Variants in PHACTR1 observed in about 807,000 individuals in gnomAD.
PHACTR1 encodes phosphatase and actin regulator 1.
In PHACTR1, 16 loss-of-function variants were observed where a neutral mutation model predicts 69.2. The ratio of observed to expected loss-of-function variants is 0.23; its 90% CI spans 0.16 to 0.35. PHACTR1 has a LOEUF of 0.35. PHACTR1 is among the 10% of genes least tolerant of loss of function. The probability of loss-of-function intolerance (pLI) is 1.00; values close to 1 mark genes in which losing one functional copy is unlikely to be tolerated. For missense variants in PHACTR1, 510 were observed against 734.7 expected, an observed-to-expected ratio of 0.69 and a Z score of 3.54; for synonymous variants, 312 against 284.5, an observed-to-expected ratio of 1.10 and a Z score of -0.97.
chr6:13,268,858 C>T (rs1221612576), intron 10 of PHACTR1, among the ~76,000 whole-genome samples: 1 of 152,198 alleles, frequency 6.6e-6, no homozygotes, highest in Non-Finnish European at 1.5e-5. Flanking sequence ...AGTCGCTTTC[C>T]AGAGAAATGA....
chr6:12,822,103 C>A (rs1776290626), intron 4 of PHACTR1, among the ~76,000 whole-genome samples: 1 of 152,178 alleles, frequency 6.6e-6, no homozygotes, highest in African/African-American at 2.4e-5. Flanking sequence ...AGACTCTGGG[C>A]TGCTGGAGGA....
chr6:13,023,993 C>T (rs1801345813), intron 4 of PHACTR1, among the ~76,000 whole-genome samples: 1 of 151,856 alleles, frequency 6.6e-6, no homozygotes, highest in Non-Finnish European at 1.5e-5. Context: ...TGGAGAATCA[C>T]TTGAATCCCG....
intron 4 of PHACTR1, among the ~76,000 whole-genome samples, chr6:13,011,408 C>T (rs911666542): frequency 2.0e-5 from 3 of 152,200 alleles, no homozygotes; most frequent in Non-Finnish European, 2.9e-5. Context: ...GATGGATCCT[C>T]AAACAAGAGA....
rs1191444940 is a variant in PHACTR1 at position 13,171,771 on chromosome 6, C to CA, written c.497-10746dup. Among the ~76,000 whole-genome samples, 49 of 151,956 alleles carry CA rather than the reference C, an allele frequency of 3.2e-4. 1 individual carries two copies. The highest frequency in any genetic ancestry group is 3.1e-3 in the Admixed American group (48 of 15,262). Reference sequence around the variant, plus strand: ...ATAACTTCCCTCCCCCAGCTCTAGCCAATTTTTTTTTTTAGATGGAGTTTC... The same window carrying CA: ...ATAACTTCCCTCCCCCAGCTCTAGCCAAATTTTTTTTTTTAGATGGAGTTTC... On this transcript the variant is annotated intron_variant, in intron 6 of 14. Transcript: ENST00000332995.
chr6:13,181,624 G>A (rs1762186206), intron 6 of PHACTR1, among the ~76,000 whole-genome samples: 2 of 152,204 alleles, frequency 1.3e-5, no homozygotes, highest in Non-Finnish European at 1.5e-5. Flanking sequence ...CAACATCAAA[G>A]TCTGCACTAC....
At chr6:12,972,737 C>T (rs1340591804) in intron 4 of PHACTR1, among the ~76,000 whole-genome samples, 2 of 151,588 alleles carry the variant, frequency 1.3e-5, no homozygotes, top group East Asian at 3.9e-4. Context: ...CTGCAACCTC[C>T]ACCTCCTGGG....
In PHACTR1 at chr6:12,933,509, C is replaced by T. The variant is rs1186784346; in HGVS notation, c.251-119856C>T. 23 of 1,472,266 alleles carry T rather than the reference C, an allele frequency of 1.6e-5. No homozygotes were observed. In the East Asian group the frequency reaches 5.3e-4, roughly 34 times the overall value. The allele number at this position is 1,472,266 out of a possible 1,614,324, so 91.2% of individuals were successfully genotyped here. On this transcript the variant is annotated intron_variant, in intron 4 of 14. Coordinates refer to ENST00000332995, the MANE Select transcript of PHACTR1 (RefSeq NM_030948.6). The stretch of plus-strand genomic sequence containing the variant: ...AGAAGATGGACACAAAGGCAGCAAA[C>T]AGATCGGTTAGAACTGATGACTATT...
At chr6:13,133,863 C>A (rs10929987) in intron 5 of PHACTR1, among the ~76,000 whole-genome samples, 2 of 150,582 alleles carry the variant, frequency 1.3e-5, no homozygotes, top group East Asian at 3.9e-4. Flanking sequence ...CGCCTCTTCC[C>A]GGCCGCCATC....
At chr6:12,872,178 G>T (rs1033769053) in intron 4 of PHACTR1, among the ~76,000 whole-genome samples, 1 of 151,948 alleles carries the variant, frequency 6.6e-6, no homozygotes, top group African/African-American at 2.4e-5. Context: ...TAAGTGTATT[G>T]TGGCTACATT....
chr6:13,046,999 G>A (rs925567673), intron 4 of PHACTR1, among the ~76,000 whole-genome samples: 1 of 152,082 alleles, frequency 6.6e-6, no homozygotes, highest in Non-Finnish European at 1.5e-5. Context: ...TTATGATAAG[G>A]TAGCTCTGAA....
chr6:13,165,888 C>T (rs972436298), intron 6 of PHACTR1, among the ~76,000 whole-genome samples: 4 of 140,818 alleles, frequency 2.8e-5, no homozygotes, highest in African/African-American at 1.0e-4. Context: ...GCTTCTCTCT[C>T]ATTACCCTGT....
At chr6:12,806,090 T>G (rs969074831) in intron 4 of PHACTR1, among the ~76,000 whole-genome samples, 6 of 152,120 alleles carry the variant, frequency 3.9e-5, no homozygotes, top group Non-Finnish European at 8.8e-5. Context: ...TTCAGTTCTC[T>G]CTCTACACTG....
At chr6:12,760,837 G>A (rs1767946652) in intron 4 of PHACTR1, among the ~76,000 whole-genome samples, 5 of 152,342 alleles carry the variant, frequency 3.3e-5, no homozygotes, top group Admixed American at 3.3e-4. Flanking sequence ...GGAGGCTGAG[G>A]CAGGAGAATC....
chr6:13,261,798 T>G (rs1456414908), intron 10 of PHACTR1, among the ~76,000 whole-genome samples: 2 of 152,174 alleles, frequency 1.3e-5, no homozygotes, highest in South Asian at 2.1e-4. Context: ...ATACTGAAGC[T>G]TTAAGCTGTA....
At chr6:12,864,142 A>G (rs1781211346) in intron 4 of PHACTR1, among the ~76,000 whole-genome samples, 1 of 152,212 alleles carries the variant, frequency 6.6e-6, no homozygotes, top group African/African-American at 2.4e-5. Flanking sequence ...TAATCCACTG[A>G]GTGTCAATCA....
chr6:13,235,788 C>T (rs964409220), intron 10 of PHACTR1, among the ~76,000 whole-genome samples: 4 of 152,182 alleles, frequency 2.6e-5, no homozygotes, highest in African/African-American at 9.7e-5. Flanking sequence ...CTACTTGGGA[C>T]CTCACCTAGG....
chr6:13,141,627 G>C (rs1294476110), intron 5 of PHACTR1, among the ~76,000 whole-genome samples: 2 of 151,696 alleles, frequency 1.3e-5, no homozygotes, highest in Admixed American at 1.3e-4. Context: ...CGTTCTGTAA[G>C]ATCAAGAACG....
At chr6:12,742,706 A>G (rs1765209003) in intron 3 of PHACTR1, among the ~76,000 whole-genome samples, 2 of 152,082 alleles carry the variant, frequency 1.3e-5, no homozygotes, top group Non-Finnish European at 2.9e-5. Context: ...TAGAAAGACA[A>G]AGATCCAGCT....
At chr6:13,161,675 C>T (rs1341615429) in intron 6 of PHACTR1, among the ~76,000 whole-genome samples, 2 of 152,138 alleles carry the variant, frequency 1.3e-5, no homozygotes, top group East Asian at 1.9e-4. Context: ...TGGGTTCTGG[C>T]GCATCTTTCA....
Sources: allele counts gnomAD v4.1 joint callset (sites outside exome capture counted in the v4.1 genomes callset), GRCh38; gene constraint gnomAD v4.1.1; transcripts MANE v1.5; gene names NCBI Gene and HGNC (gene_info 2026-07-23, HGNC 2026-07-21).